KDM4A: variants seen among roughly 807,000 people sequenced by gnomAD.
KDM4A encodes the protein lysine-specific demethylase 4A.
In KDM4A, 23 loss-of-function variants were observed where a neutral mutation model predicts 127.1. The ratio of observed to expected loss-of-function variants is 0.18; its 90% CI spans 0.13 to 0.26. KDM4A has a LOEUF of 0.26. Among genes scored for constraint, KDM4A ranks in the 10% least tolerant of loss-of-function variants. The pLI is 1.00. For synonymous variants in KDM4A, 443 were observed against 466.5 expected (o/e 0.95, Z 0.65); for missense variants, 890 against 1,329.1 (o/e 0.67, Z 5.14).
In KDM4A at chr1:43,703,513, A is replaced by T. The variant is rs573420897; in HGVS notation, c.2842-104A>T. On this transcript the variant is annotated intron_variant, in intron 19 of 21. Transcript: ENST00000372396. ...AGCCCAGAGAGCTGCCTTGCTCTCT[A>T]AAACAGTTACTTTGTCCTGGTTCAC... 1,727 of 1,448,402 alleles carry T rather than the reference A, an allele frequency of 1.2e-3. 3 individuals are homozygous for T. Among genetic ancestry groups the T allele is most frequent in the Middle Eastern group, 8.6e-3 (34 of 3,954 alleles). The allele number at this position is 1,448,402 out of a possible 1,614,324, so 89.7% of individuals were successfully genotyped here. A position where few individuals can be genotyped will look rare whatever the true frequency, so the allele number is the denominator to read the frequency against.
chr1:43,664,198 G>A (rs779376287), intron 5 of KDM4A, among the ~76,000 whole-genome samples: 7 of 152,160 alleles, frequency 4.6e-5, no homozygotes, highest in Non-Finnish European at 7.3e-5. Flanking sequence ...GAGTGGTGGT[G>A]GGCTTAGCAG....
chr1:43,677,279 A>G (rs375990021), intron 11 of KDM4A, among the ~76,000 whole-genome samples: 4 of 142,024 alleles, frequency 2.8e-5, no homozygotes, highest in East Asian at 2.2e-4. Flanking sequence ...TGAGAGGCGG[A>G]GGTTGCGCTG....
At position 43,687,187 on chromosome 1, in the gene KDM4A, C is replaced by T. The variant is rs1000393836; in HGVS notation, c.1856-1727C>T. Among the ~76,000 whole-genome samples the T allele has an allele frequency of 3.9e-5, 6 of 152,186 alleles. No individual in the cohort carries two copies. The East Asian group carries it at 1.2e-3, about 29-fold the overall frequency. On this transcript the variant is annotated intron_variant, in intron 12 of 21. Transcript: ENST00000372396. ...TATAGGGGTTGATTTTAATTGTCTG[C>T]GTTGGTGTCCTTAGGGTACACTGAG...
chr1:43,663,107 G>A lies in KDM4A; in HGVS notation c.623+20G>A, dbSNP rs541842772. 2.6e-5 allele frequency: 42 copies of A among 1,601,178 alleles called. No homozygotes were observed. The highest frequency in any genetic ancestry group is 1.2e-4 in the South Asian group (11 of 89,146). On this transcript the variant is annotated intron_variant, in intron 5 of 21. Transcript: ENST00000372396. ...GTCCTGGTACAGTCTGCCTGCAGTCGGCACCGGGCTTCTATGCTAGAGCAC... is the reference window on the plus strand; with the variant it reads ...GTCCTGGTACAGTCTGCCTGCAGTCAGCACCGGGCTTCTATGCTAGAGCAC...
chr1:43,701,168 C>A (rs1015539029), intron 19 of KDM4A, among the ~76,000 whole-genome samples: 5 of 152,120 alleles, frequency 3.3e-5, no homozygotes, highest in Non-Finnish European at 5.9e-5. Flanking sequence ...ATCTGCCCGC[C>A]TTGGCCTCCC....
chr1:43,697,801 A>C (rs779765160), intron 18 of KDM4A, 42 bp from the exon 19 acceptor site: 3 of 1,584,892 alleles, frequency 1.9e-6, no homozygotes, highest in South Asian at 1.1e-5. Context: ...CCAGGCCTGC[A>C]AACTCCACGT....
chr1:43,656,368 CACTT>C (rs1660240102), intron 3 of KDM4A, among the ~76,000 whole-genome samples: 1 of 85,642 alleles, frequency 1.2e-5, no homozygotes, highest in Non-Finnish European at 2.1e-5. Context: ...GATGGTGTCT[CACTT>C]TATTGCCCAG....
At position 43,665,826 on chromosome 1, in the gene KDM4A, A is replaced by G. The variant is rs1265232063; in HGVS notation, c.673+81A>G. On this transcript the variant is annotated intron_variant, in intron 6 of 21. Transcript: ENST00000372396. Reference sequence around the variant, plus strand: ...CTCTGCACTAAAATGTGCGTTCCCCATGGTCAGATACTTGCAGGTCCTGTT... The same window carrying G: ...CTCTGCACTAAAATGTGCGTTCCCCGTGGTCAGATACTTGCAGGTCCTGTT... 16 of 1,422,114 alleles carry G rather than the reference A, an allele frequency of 1.1e-5. No homozygotes were observed. The African/African-American group carries it at 1.4e-4, about 12-fold the overall frequency. 88.1% of individuals were successfully genotyped at this position (1,422,114 alleles called of 1,614,324 possible). A position where few individuals can be genotyped will look rare whatever the true frequency, so the allele number is the denominator to read the frequency against.
At chr1:43,681,963 T>TTTAC (rs1053982730) in intron 11 of KDM4A, among the ~76,000 whole-genome samples, 1 of 152,144 alleles carries the variant, frequency 6.6e-6, no homozygotes, top group Non-Finnish European at 1.5e-5. Flanking sequence ...AAAGAACCCT[T>TTTAC]TTACTTACTT....
intron 3 of KDM4A, among the ~76,000 whole-genome samples, chr1:43,658,205 G>T (rs1327022868): frequency 4.0e-5 from 6 of 151,464 alleles, no homozygotes; most frequent in African/African-American, 1.5e-4. Context: ...ATGTAGCTGG[G>T]ATTACAGGTG....
intron 1 of KDM4A, among the ~76,000 whole-genome samples, chr1:43,651,824 G>T (rs867003249): frequency 6.6e-6 from 1 of 152,176 alleles, no homozygotes; most frequent in Non-Finnish European, 1.5e-5. Flanking sequence ...TAAAAACAAA[G>T]TATTTATTTT....
At chr1:43,661,571 T>G (rs1570818921) in intron 4 of KDM4A, among the ~76,000 whole-genome samples, 1 of 125,228 alleles carries the variant, frequency 8.0e-6, no homozygotes, top group Admixed American at 1.1e-4. Flanking sequence ...ATTGCACCAC[T>G]GCACTCCAGC....
chr1:43,666,151 A>T (rs1660498026), intron 6 of KDM4A: 2 of 390,560 alleles, frequency 5.1e-6, no homozygotes, highest in Admixed American at 4.2e-5. Flanking sequence ...AAGATCAGGG[A>T]TACAAGTGAC....
rs1661228968 is a variant in KDM4A, at chr1:43,695,857, A to G, written c.2670+963A>G. Among the ~76,000 whole-genome samples the G allele has an allele frequency of 1.3e-5, 2 of 152,028 alleles. 1 individual carries two copies. Among genetic ancestry groups the G allele is most frequent in the South Asian group, 4.2e-4 (2 of 4,812 alleles). ...GGAGAGAAGGGGAGAGGAGGAGGAA[A>G]GGGGGAGTGAATATTGAAGATGACT... On this transcript the variant is annotated intron_variant, in intron 18 of 21. Transcript: ENST00000372396.
At position 43,683,737 on chromosome 1, in the gene KDM4A, C is replaced by T. The variant is rs771907375; in HGVS notation, c.1788C>T (p.Arg596=). ...AAGAGAATAAGAAGTCCAAGGGACG[C>T]CGTCAGCCTTTAAGCAAGCTCCCCC... The part of the protein sequence containing the change: ...SLEENKKSKG[R]RQPLSKLPRH... Residue 596 remains arginine (R), a synonymous_variant, in exon 12 of 22, where the codon CGC becomes CGT. Coordinates refer to ENST00000372396, the MANE Select transcript of KDM4A (RefSeq NM_014663.3). 1 of 1,614,042 alleles carries T rather than the reference C, an allele frequency of 6.2e-7. No homozygotes were observed. Among genetic ancestry groups the T allele is most frequent in the South Asian group, 1.1e-5 (1 of 91,056 alleles).
intron 3 of KDM4A, among the ~76,000 whole-genome samples, chr1:43,658,655 C>A (rs1349856429): frequency 1.3e-5 from 2 of 151,972 alleles, no homozygotes; most frequent in East Asian, 3.9e-4. Context: ...AGGCGCCCGC[C>A]ACACCACCCG....
chr1:43,697,644 A>G (rs554406377), intron 18 of KDM4A, among the ~76,000 whole-genome samples, 199 bp from the exon 19 acceptor site: 1 of 152,304 alleles, frequency 6.6e-6, no homozygotes. Context: ...GAAATGTGGT[A>G]CTGGTCTCTT....
intron 11 of KDM4A, among the ~76,000 whole-genome samples, chr1:43,675,181 A>G (rs141811650): frequency 4.3e-4 from 66 of 152,242 alleles, no homozygotes; most frequent in African/African-American, 1.4e-3. Context: ...CACCTCCAAC[A>G]TGTGCTGGCT....
chr1:43,659,188 G>T (rs1557903781), intron 3 of KDM4A, among the ~76,000 whole-genome samples: 1 of 152,144 alleles, frequency 6.6e-6, no homozygotes, highest in Non-Finnish European at 1.5e-5. Context: ...GGCTACTCGG[G>T]AGGTTAGGGC....
Sources: gnomAD v4.1 joint callset for allele counts (sites outside exome capture counted in the v4.1 genomes callset) on GRCh38, gnomAD v4.1.1 for gene constraint, MANE v1.5 for transcripts, NCBI Gene and HGNC (gene_info 2026-07-23, HGNC 2026-07-21) for gene names.